GFRA1: variants seen among roughly 807,000 people sequenced by gnomAD.
The protein encoded by GFRA1 is GDNF family receptor alpha-1.
In GFRA1, 16 loss-of-function variants were observed where a neutral mutation model predicts 51.6. That is an observed-to-expected ratio of 0.31 (90% CI 0.21 to 0.47). GFRA1 has a LOEUF of 0.47. Among genes scored for constraint, GFRA1 ranks in the 20% least tolerant of loss-of-function variants. The pLI is 1.00. For synonymous variants in GFRA1, 270 were observed against 241.3 expected, an observed-to-expected ratio of 1.12 and a Z score of -1.10; for missense variants, 530 against 594.3, an observed-to-expected ratio of 0.89 and a Z score of 1.13.
chr10:116,179,094 G>A (rs1002826118), intron 5 of GFRA1, among the ~76,000 whole-genome samples: 9 of 152,140 alleles, frequency 5.9e-5, no homozygotes, highest in East Asian at 3.9e-4. Context: ...CCTCAGCAAC[G>A]TATAGTCCAG....
At chr10:116,072,951 A>C (rs1955467797) in intron 9 of GFRA1, among the ~76,000 whole-genome samples, 1 of 152,108 alleles carries the variant, frequency 6.6e-6, no homozygotes, top group Non-Finnish European at 1.5e-5. Flanking sequence ...ACAATCTCTT[A>C]GCCTCTCTGT....
At chr10:116,092,248 C>T (rs1360702757) in intron 8 of GFRA1, among the ~76,000 whole-genome samples, 1 of 152,028 alleles carries the variant, frequency 6.6e-6, no homozygotes, top group Non-Finnish European at 1.5e-5. Context: ...GTGAATTTCA[C>T]TTAAGAATCC....
intron 5 of GFRA1, among the ~76,000 whole-genome samples, chr10:116,164,201 G>A (rs776944218): frequency 3.9e-4 from 60 of 151,970 alleles, no homozygotes; most frequent in African/African-American, 1.3e-3. Context: ...CTTCATACCC[G>A]AACTCCTCAT....
intron 4 of GFRA1, among the ~76,000 whole-genome samples, chr10:116,227,190 AC>A (rs1211878779): frequency 6.6e-6 from 1 of 152,206 alleles, no homozygotes; most frequent in Non-Finnish European, 1.5e-5. Flanking sequence ...GTATGTCTGT[AC>A]CCAAAGAGAG....
chr10:116,088,376 C>T (rs531120554), intron 9 of GFRA1, among the ~76,000 whole-genome samples: 41 of 152,242 alleles, frequency 2.7e-4, no homozygotes, highest in Non-Finnish European at 4.4e-4. Context: ...ACCAAACATC[C>T]CCTTCTCCAG....
At chr10:116,075,329 T>C (rs1327602961) in intron 9 of GFRA1, among the ~76,000 whole-genome samples, 1 of 152,214 alleles carries the variant, frequency 6.6e-6, no homozygotes, top group Non-Finnish European at 1.5e-5. Context: ...AGATGAATTT[T>C]GGGGTAAAGG....
At position 116,194,496 on chromosome 10, in the gene GFRA1, G is replaced by GAT. The variant is rs553873105; in HGVS notation, c.433+17133_433+17134dup. On this transcript the variant is annotated intron_variant, in intron 5 of 10. Coordinates refer to ENST00000355422, the MANE Select transcript of GFRA1 (RefSeq NM_005264.8). ...TAAAATTTCTGGTATAGATTTTGTC[G>GAT]ATATGCAACTAAGTACACAATAGTT... Among the ~76,000 whole-genome samples, 15 of 152,242 alleles carry GAT rather than the reference G, an allele frequency of 9.9e-5. No homozygotes were observed. The South Asian group carries it at 2.5e-3, about 25-fold the overall frequency.
At chr10:116,237,591 A>C (rs1236076855) in intron 4 of GFRA1, among the ~76,000 whole-genome samples, 1 of 144,156 alleles carries the variant, frequency 6.9e-6, no homozygotes, top group East Asian at 2.0e-4. Flanking sequence ...AAAAAAAAAA[A>C]AGCAAGAAGA....
chr10:116,262,728 A>G (rs191070661), intron 4 of GFRA1, among the ~76,000 whole-genome samples: 5 of 152,330 alleles, frequency 3.3e-5, no homozygotes, highest in Admixed American at 2.6e-4. Context: ...ATAAAAACCA[A>G]AAGTAGTGGT....
chr10:116,211,800 T>C (rs1965216336), intron 4 of GFRA1, among the ~76,000 whole-genome samples, 155 bp from the exon 5 acceptor site: 1 of 152,198 alleles, frequency 6.6e-6, no homozygotes, highest in African/African-American at 2.4e-5. Flanking sequence ...AGGCAGTGCT[T>C]AAGAGCTCAA....
intron 5 of GFRA1, among the ~76,000 whole-genome samples, chr10:116,177,895 G>C (rs918391030): frequency 6.6e-6 from 1 of 152,156 alleles, no homozygotes; most frequent in African/African-American, 2.4e-5. Context: ...CCACCAGAGA[G>C]CCAGGGCCAT....
At chr10:116,244,443 AAATTT>A (rs1033792217) in intron 4 of GFRA1, among the ~76,000 whole-genome samples, 70 of 147,004 alleles carry the variant, frequency 4.8e-4, no homozygotes, top group African/African-American at 1.3e-3. Context: ...TTAATAATTA[AAATTT>A]AATTTAATTT....
intron 5 of GFRA1, among the ~76,000 whole-genome samples, chr10:116,138,645 G>A (rs918331651): frequency 7.8e-5 from 3 of 38,518 alleles, no homozygotes; most frequent in Non-Finnish European, 1.6e-4. Context: ...ACCCCCCCCC[G>A]ACCCACCCAA....
At chr10:116,078,970 G>A (rs961431215) in intron 9 of GFRA1, among the ~76,000 whole-genome samples, 12 of 151,996 alleles carry the variant, frequency 7.9e-5, no homozygotes, top group African/African-American at 2.9e-4. Context: ...CGTCCTCAAA[G>A]CCATGTGTGA....
intron 5 of GFRA1, among the ~76,000 whole-genome samples, chr10:116,144,302 CTCAT>C (rs891063811): frequency 4.8e-5 from 5 of 103,740 alleles, no homozygotes; most frequent in Non-Finnish European, 1.1e-4. Flanking sequence ...CATTAACTCA[CTCAT>C]TCATTCATTC....
intron 5 of GFRA1, among the ~76,000 whole-genome samples, chr10:116,198,920 C>T (rs1042363920): frequency 6.6e-6 from 1 of 152,086 alleles, no homozygotes; most frequent in Non-Finnish European, 1.5e-5. Flanking sequence ...GCCCTAAATC[C>T]CAAATGACTG....
chr10:116,163,408 G>C (rs1483465982), intron 5 of GFRA1, among the ~76,000 whole-genome samples: 1 of 152,196 alleles, frequency 6.6e-6, no homozygotes, highest in Non-Finnish European at 1.5e-5. Flanking sequence ...TGAATATGTT[G>C]TTGGGAAACA....
At chr10:116,182,059 T>C (rs1200119691) in intron 5 of GFRA1, among the ~76,000 whole-genome samples, 1 of 150,646 alleles carries the variant, frequency 6.6e-6, no homozygotes, top group African/African-American at 2.5e-5. Flanking sequence ...AGAATGCATA[T>C]ATGTTAAAGA....
At chr10:116,170,590 C>T (rs1565625448) in intron 5 of GFRA1, among the ~76,000 whole-genome samples, 1 of 152,176 alleles carries the variant, frequency 6.6e-6, no homozygotes, top group Non-Finnish European at 1.5e-5. Flanking sequence ...GCTCCCTACC[C>T]CATGACTTTT....
Sources: gnomAD v4.1 joint callset for allele counts (sites outside exome capture counted in the v4.1 genomes callset) on GRCh38, gnomAD v4.1.1 for gene constraint, MANE v1.5 for transcripts, NCBI Gene and HGNC (gene_info 2026-07-23, HGNC 2026-07-21) for gene names.